Variants in IL31RA observed in about 807,000 individuals in gnomAD.
IL31RA encodes interleukin 31 receptor A.
IL31RA carries 66 observed loss-of-function variants against 83.7 expected under a neutral mutation model. That is an observed-to-expected ratio of 0.79 (90% CI 0.65 to 0.97). IL31RA has a LOEUF of 0.97. Among genes scored for constraint, IL31RA ranks in the 50% least tolerant of loss-of-function variants. IL31RA has a pLI of 0.00. For synonymous variants in IL31RA, 325 were observed against 329.0 expected, an observed-to-expected ratio of 0.99 and a Z score of 0.13; for missense variants, 798 against 919.4, an observed-to-expected ratio of 0.87 and a Z score of 1.71.
intron 4 of IL31RA, among the ~76,000 whole-genome samples, chr5:55,882,502 G>A (rs1012996816): frequency 2.6e-5 from 4 of 152,152 alleles, no homozygotes; most frequent in Non-Finnish European, 4.4e-5. Context: ...TGGGATAATG[G>A]ATGATTTTTA....
chr5:55,850,492 A>G (rs1408729745), upstream of IL31RA, among the ~76,000 whole-genome samples: 2 of 152,196 alleles, frequency 1.3e-5, no homozygotes, highest in African/African-American at 4.8e-5. Context: ...CCTTTATCAT[A>G]GCATCCTATT....
upstream of IL31RA, among the ~76,000 whole-genome samples, chr5:55,847,747 C>T (rs1744970607): frequency 6.6e-6 from 1 of 152,160 alleles, no homozygotes; most frequent in Admixed American, 6.5e-5. Context: ...TTGGATTTCA[C>T]CAGTTTTTCC....
At chr5:55,876,711 T>A (rs1746872575) in intron 4 of IL31RA, among the ~76,000 whole-genome samples, 1 of 152,198 alleles carries the variant, frequency 6.6e-6, no homozygotes, top group Non-Finnish European at 1.5e-5. Flanking sequence ...TATTTTCAGA[T>A]CTAAAGTTAG....
upstream of IL31RA, among the ~76,000 whole-genome samples, chr5:55,847,236 AAAAAATAAAAATAAAT>A (rs1744948225): frequency 2.3e-5 from 1 of 42,978 alleles, no homozygotes; most frequent in African/African-American, 1.0e-4. Flanking sequence ...GAAAAAAAAA[AAAAAATAAAAATAAAT>A]AAATAAATAA....
intron 1 of IL31RA, among the ~76,000 whole-genome samples, chr5:55,852,964 T>C (rs75486329): frequency 0.074 from 11,279 of 152,336 alleles, 579 homozygotes; most frequent in Non-Finnish European, 0.12. Flanking sequence ...TGACACACAG[T>C]AAGAGCTCCA....
Position 55,918,146 on chromosome 5 carries a change from C to T in IL31RA, c.*1026C>T, listed in dbSNP as rs375837690. 3.9e-5 allele frequency among the ~76,000 whole-genome samples: 6 copies of T among 152,326 alleles called. No individual in the cohort carries two copies. The East Asian group carries it at 9.6e-4, about 24-fold the overall frequency. On this transcript the variant is annotated 3_prime_UTR_variant, in exon 15 of 15. Transcript: ENST00000652347. The stretch of plus-strand genomic sequence containing the variant: ...TGCTGGCTTCAGCACTGAGATAGTA[C>T]TGGGCTCCTCCTGTAACTATAGTGA...
chr5:55,861,334 A>AC lies in IL31RA; in HGVS notation c.154+1736dup, dbSNP rs375724744. 2.8e-3 allele frequency among the ~76,000 whole-genome samples: 422 copies of AC among 152,290 alleles called. 4 individuals are homozygous for AC. Among genetic ancestry groups the AC allele is most frequent in the African/African-American group, 9.5e-3 (394 of 41,560 alleles). On this transcript the variant is annotated intron_variant, in intron 2 of 14. Transcript: ENST00000652347. Reference sequence around the variant, plus strand: ...TGCAGACCATGTTAGGAACTGGGCCACACAGCAGGAGATGAGCTGCTGGTG... The same window carrying AC: ...TGCAGACCATGTTAGGAACTGGGCCACCACAGCAGGAGATGAGCTGCTGGTG...
chr5:55,846,458 C>T (rs7447626), upstream of IL31RA, among the ~76,000 whole-genome samples: 3 of 152,176 alleles, frequency 2.0e-5, no homozygotes, highest in African/African-American at 7.2e-5. Context: ...AATCTTGGCT[C>T]TGCTGCTAAT....
intron 14 of IL31RA, among the ~76,000 whole-genome samples, chr5:55,916,216 AC>A (rs1408382316): frequency 2.0e-5 from 3 of 152,028 alleles, no homozygotes; most frequent in Non-Finnish European, 4.4e-5. Context: ...CCCCATCTCT[AC>A]AAAAAATTAA....
At chr5:55,884,153 G>A (rs775715720) in intron 5 of IL31RA, among the ~76,000 whole-genome samples, 1 of 152,010 alleles carries the variant, frequency 6.6e-6, no homozygotes, top group Non-Finnish European at 1.5e-5. Context: ...CAATTGATTT[G>A]TAGGCATTCC....
At chr5:55,901,586 C>CATTATTATT (rs58572654) in intron 8 of IL31RA, among the ~76,000 whole-genome samples, 20 of 144,916 alleles carry the variant, frequency 1.4e-4, no homozygotes, top group African/African-American at 4.0e-4. Flanking sequence ...TTACTATTGT[C>CATTATTATT]ATTATTATTA....
chr5:55,910,445 G>T (rs765227932), intron 11 of IL31RA, 87 bp from the exon 12 acceptor site: 3 of 1,461,738 alleles, frequency 2.1e-6, no homozygotes, highest in African/African-American at 2.8e-5. Flanking sequence ...GGAAGCACAG[G>T]TTCCAATGCT....
intron 6 of IL31RA, 130 bp from the exon 7 acceptor site, chr5:55,896,220 C>T: frequency 5.5e-6 from 4 of 729,976 alleles, no homozygotes; most frequent in Non-Finnish European, 7.7e-6. Flanking sequence ...AAGCTGCCAT[C>T]CCTCCACTCC....
intron 13 of IL31RA, among the ~76,000 whole-genome samples, 182 bp downstream of exon 13, chr5:55,913,752 C>T (rs1410516078): frequency 6.6e-6 from 1 of 152,232 alleles, no homozygotes; most frequent in Non-Finnish European, 1.5e-5. Flanking sequence ...GAATTCTGAC[C>T]AAGCAAGAGC....
At chr5:55,855,246 G>T (rs1480920833) in intron 1 of IL31RA, among the ~76,000 whole-genome samples, 1 of 151,870 alleles carries the variant, frequency 6.6e-6, no homozygotes, top group Admixed American at 6.6e-5. Context: ...CTGGGCCCAA[G>T]CATTGTCCCA....
In IL31RA at chr5:55,917,275, G is replaced by A. The variant is rs958491673; in HGVS notation, c.*155G>A. ...CTTGAGCTGCCAGTTGAACTTGGTCGGCAAAGATGCGACCTTGTACTGGGA... is the reference window on the plus strand; with the variant it reads ...CTTGAGCTGCCAGTTGAACTTGGTCAGCAAAGATGCGACCTTGTACTGGGA... On this transcript the variant is annotated 3_prime_UTR_variant, in exon 15 of 15. Coordinates refer to ENST00000652347, the MANE Select transcript of IL31RA (RefSeq NM_139017.7). 66 of 1,554,526 alleles carry A rather than the reference G, an allele frequency of 4.2e-5. No individual in the cohort carries two copies. The highest frequency in any genetic ancestry group is 5.4e-5 in the Non-Finnish European group (62 of 1,157,402).
At chr5:55,895,518 T>C (rs1265661467) in intron 6 of IL31RA, among the ~76,000 whole-genome samples, 2 of 152,232 alleles carry the variant, frequency 1.3e-5, no homozygotes, top group Non-Finnish European at 2.9e-5. Context: ...TGGACTATTG[T>C]CTCAGACTGT....
chr5:55,892,769 G>C (rs563904813), intron 6 of IL31RA, among the ~76,000 whole-genome samples: 1 of 152,234 alleles, frequency 6.6e-6, no homozygotes, highest in Non-Finnish European at 1.5e-5. Flanking sequence ...CCTCGTGTCA[G>C]TTTTCTCAGC....
the IL31RA span, among the ~76,000 whole-genome samples, chr5:55,846,314 T>C: frequency 6.6e-6 from 1 of 152,258 alleles, no homozygotes; most frequent in Non-Finnish European, 1.5e-5. Flanking sequence ...GCTGTAAATA[T>C]TGAAGGCATA....
Sources: allele counts gnomAD v4.1 joint callset (sites outside exome capture counted in the v4.1 genomes callset), GRCh38; gene constraint gnomAD v4.1.1; transcripts MANE v1.5; gene names NCBI Gene and HGNC (gene_info 2026-07-23, HGNC 2026-07-21).